FAM107B: variants seen among roughly 807,000 people sequenced by gnomAD.
The protein encoded by FAM107B is protein FAM107B.
Under a neutral mutation model 31.5 loss-of-function variants are expected in FAM107B, and 21 were observed. The ratio of observed to expected loss-of-function variants is 0.67; its 90% CI spans 0.47 to 0.96. The LOEUF is 0.96. FAM107B is among the 40% of genes least tolerant of loss of function. The pLI, the probability that FAM107B is intolerant of heterozygous loss-of-function variation, is 0.00. For synonymous variants in FAM107B, 157 were observed against 141.5 expected (o/e 1.11, Z -0.78); for missense variants, 452 against 377.1 (o/e 1.20, Z -1.64).
chr10:14,715,668 G>T (rs1267107364), intron 1 of FAM107B, among the ~76,000 whole-genome samples: 2 of 152,214 alleles, frequency 1.3e-5, no homozygotes, highest in African/African-American at 2.4e-5. Context: ...AGAACAGAAA[G>T]GTGGAGGAAG....
At chr10:14,589,894 C>G (rs1452204061) in intron 2 of FAM107B, among the ~76,000 whole-genome samples, 2 of 152,148 alleles carry the variant, frequency 1.3e-5, no homozygotes, top group African/African-American at 4.8e-5. Flanking sequence ...TGATCCTGGG[C>G]AAGATATTCA....
At chr10:14,686,852 G>A (rs780578329) in intron 1 of FAM107B, among the ~76,000 whole-genome samples, 5 of 152,188 alleles carry the variant, frequency 3.3e-5, no homozygotes, top group Non-Finnish European at 7.3e-5. Context: ...CCAATGGCCT[G>A]TTCTCCAGCC....
At chr10:14,571,785 T>C (rs777626628) in intron 2 of FAM107B, 81 of 985,364 alleles carry the variant, frequency 8.2e-5, no homozygotes, top group Non-Finnish European at 9.4e-5. Context: ...TTTTCTTGTT[T>C]ATGTTTTAAT....
At chr10:14,539,052 G>A (rs1847918844) in intron 2 of FAM107B, among the ~76,000 whole-genome samples, 1 of 152,212 alleles carries the variant, frequency 6.6e-6, no homozygotes, top group African/African-American at 2.4e-5. Context: ...CAACAAAGTA[G>A]GCAAACAGTC....
intron 1 of FAM107B, among the ~76,000 whole-genome samples, chr10:14,671,465 A>G (rs1476594131): frequency 2.0e-5 from 3 of 152,152 alleles, no homozygotes; most frequent in Non-Finnish European, 4.4e-5. Context: ...AGGAGGGGCC[A>G]GGCTCCTCCC....
chr10:14,583,635 T>TG (rs113423058), intron 2 of FAM107B, among the ~76,000 whole-genome samples: 22 of 151,724 alleles, frequency 1.5e-4, no homozygotes, highest in African/African-American at 4.1e-4. Context: ...GTAAGGTGGG[T>TG]GGGGACGGAG....
chr10:14,738,862 C>A (rs1856370574), intron 1 of FAM107B, among the ~76,000 whole-genome samples: 1 of 152,154 alleles, frequency 6.6e-6, no homozygotes, highest in African/African-American at 2.4e-5. Context: ...AAGCAACCCC[C>A]AAACCAGCAG....
At chr10:14,535,471 G>A (rs1221322550) in intron 2 of FAM107B, among the ~76,000 whole-genome samples, 1 of 152,194 alleles carries the variant, frequency 6.6e-6, no homozygotes, top group Non-Finnish European at 1.5e-5. Context: ...CTACTTCTCT[G>A]GGCTTTGATT....
chr10:14,758,152 C>T (rs192205276), intron 1 of FAM107B, among the ~76,000 whole-genome samples: 3 of 152,308 alleles, frequency 2.0e-5, no homozygotes, highest in East Asian at 1.9e-4. Flanking sequence ...AATTTAAAAA[C>T]GGTGAATACG....
rs186420157 is a variant in FAM107B at position 14,714,275 on chromosome 10, G to A, written c.412-46584C>T. On this transcript the variant is annotated intron_variant, in intron 1 of 4. Transcript: ENST00000181796. ...TGGAGTAGCATTGCTGGTAGGAGGG[G>A]GCTGGGTGGAGGCCCCCAAGGCCAT... 2.0e-4 allele frequency among the ~76,000 whole-genome samples: 30 copies of A among 152,262 alleles called. No individual in the cohort carries two copies. The East Asian group carries it at 5.8e-3, about 29-fold the overall frequency.
At chr10:14,523,692 C>T (rs913311273) in intron 3 of FAM107B, among the ~76,000 whole-genome samples, 2 of 152,184 alleles carry the variant, frequency 1.3e-5, no homozygotes, top group Non-Finnish European at 2.9e-5. Flanking sequence ...AGCACACTCA[C>T]CTTGATCCCT....
intron 1 of FAM107B, among the ~76,000 whole-genome samples, chr10:14,682,745 G>A (rs887246721): frequency 1.3e-5 from 2 of 152,016 alleles, no homozygotes; most frequent in Admixed American, 1.3e-4. Flanking sequence ...ATGTCAGGGG[G>A]TCGAGAGCTA....
chr10:14,704,849 C>T (rs1417370754), intron 1 of FAM107B, among the ~76,000 whole-genome samples: 1 of 151,836 alleles, frequency 6.6e-6, no homozygotes, highest in African/African-American at 2.4e-5. Flanking sequence ...CATGATGAAA[C>T]CCCATCTCTA....
chr10:14,632,663 G>T (rs1853397698), intron 2 of FAM107B, among the ~76,000 whole-genome samples: 1 of 151,352 alleles, frequency 6.6e-6, no homozygotes, highest in East Asian at 1.9e-4. Context: ...GAATTATTAC[G>T]TAAAGAAACC....
chr10:14,599,749 A>C (rs1209370152), intron 2 of FAM107B, among the ~76,000 whole-genome samples: 1 of 149,612 alleles, frequency 6.7e-6, no homozygotes, highest in Non-Finnish European at 1.5e-5. Flanking sequence ...CTATTTCCAT[A>C]GAACATACAC....
intron 2 of FAM107B, among the ~76,000 whole-genome samples, chr10:14,580,339 G>A (rs752388102): frequency 7.1e-6 from 1 of 141,196 alleles, no homozygotes; most frequent in Non-Finnish European, 1.5e-5. Flanking sequence ...CAGCCTGCAC[G>A]ACAGAGCAAG....
chr10:14,565,897 A>G lies in FAM107B; in HGVS notation c.470-35382T>C, dbSNP rs376698375. On this transcript the variant is annotated intron_variant, in intron 2 of 4. Coordinates refer to ENST00000181796, the MANE Select transcript of FAM107B (RefSeq NM_031453.4). ...GATGCGCTCCACAGTGGTAAATCCC[A>G]GCTGGCAAATGCTGCTGAGAGGCCA... Among the ~76,000 whole-genome samples, 13 of 152,286 alleles carry G rather than the reference A, an allele frequency of 8.5e-5. No homozygotes were observed. In the South Asian group the frequency reaches 2.5e-3, roughly 29 times the overall value.
intron 2 of FAM107B, among the ~76,000 whole-genome samples, chr10:14,599,543 C>G (rs1257466264): frequency 6.6e-6 from 1 of 152,170 alleles, no homozygotes; most frequent in Admixed American, 6.5e-5. Context: ...GGGCTCACGT[C>G]TATAATCCCA....
At chr10:14,670,634 G>C (rs1854517453) in intron 1 of FAM107B, among the ~76,000 whole-genome samples, 1 of 152,150 alleles carries the variant, frequency 6.6e-6, no homozygotes, top group South Asian at 2.1e-4. Flanking sequence ...TTATTGCTCT[G>C]AATTCCAGAA....
Sources: allele counts gnomAD v4.1 joint callset (sites outside exome capture counted in the v4.1 genomes callset), GRCh38; gene constraint gnomAD v4.1.1; transcripts MANE v1.5; gene names NCBI Gene and HGNC (gene_info 2026-07-23, HGNC 2026-07-21).